The following DNAH11 variants were observed in gnomAD, a reference collection of about 807,000 sequenced individuals.
DNAH11 encodes the protein axonemal beta dynein heavy chain 11.
In DNAH11, 442 loss-of-function variants were observed where a neutral mutation model predicts 526.0. That is an observed-to-expected ratio of 0.84 (90% CI 0.78 to 0.91). DNAH11 has a LOEUF of 0.91. DNAH11 is among the 40% of genes least tolerant of loss of function. DNAH11 has a pLI of 0.00. For synonymous variants in DNAH11, 2,461 were observed against 1,935.9 expected (o/e 1.27, Z -7.12); for missense variants, 6,989 against 5,448.7 (o/e 1.28, Z -8.90).
At chr7:21,569,237 A>G (rs879787041) in intron 6 of DNAH11, among the ~76,000 whole-genome samples, 2 of 152,154 alleles carry the variant, frequency 1.3e-5, no homozygotes, top group Non-Finnish European at 2.9e-5. Flanking sequence ...GACATCTTGA[A>G]CAACATTCTA....
At chr7:21,639,162 G>T (rs985329000) in intron 28 of DNAH11, 97 bp downstream of exon 28, 2 of 1,394,012 alleles carry the variant, frequency 1.4e-6, no homozygotes, top group Non-Finnish European at 1.9e-6. Context: ...ATGTCACGTG[G>T]GCCAGGAACT....
chr7:21,744,772 G>T, intron 50 of DNAH11, 98 bp from the exon 51 acceptor site: 1 of 1,460,528 alleles, frequency 6.8e-7, no homozygotes, highest in African/African-American at 1.4e-5. Context: ...CTACCCATGT[G>T]TGGGTCTGCA....
intron 25 of DNAH11, among the ~76,000 whole-genome samples, chr7:21,621,480 G>T (rs1025234612): frequency 3.3e-5 from 5 of 152,120 alleles, no homozygotes; most frequent in African/African-American, 1.2e-4. Flanking sequence ...TATGAGGCCA[G>T]CATCATCCTG....
intron 30 of DNAH11, among the ~76,000 whole-genome samples, chr7:21,671,110 G>C (rs1782625492): frequency 6.6e-6 from 1 of 152,100 alleles, no homozygotes; most frequent in Non-Finnish European, 1.5e-5. Flanking sequence ...TGGGCTTGAA[G>C]TTTTCTTTAT....
At chr7:21,660,730 C>T (rs1782207212) in intron 30 of DNAH11, among the ~76,000 whole-genome samples, 1 of 151,834 alleles carries the variant, frequency 6.6e-6, no homozygotes, top group African/African-American at 2.4e-5. Flanking sequence ...TAGGTATAAA[C>T]ATGTATAAAT....
chr7:21,850,613 T>C (rs1437466170), intron 66 of DNAH11, among the ~76,000 whole-genome samples: 9 of 145,552 alleles, frequency 6.2e-5, no homozygotes, highest in South Asian at 2.2e-4. Context: ...TTCTTCTTTT[T>C]TTTTTTTTTT....
Position 21,880,899 on chromosome 7 carries a change from T to C in DNAH11, c.12387+6T>C, listed in dbSNP as rs762844328. ...ACTTAGAGGCAAACTCTAAAGTAAG[T>C]GCTAGTGGTCAAATAACCTCTTCCA... On this transcript the variant is annotated splice_donor_region_variant and intron_variant, in intron 75 of 81. Transcript: ENST00000409508. 1 of 1,590,622 alleles carries C rather than the reference T, an allele frequency of 6.3e-7. No individual in the cohort carries two copies. The highest frequency in any genetic ancestry group is 2.2e-5 in the East Asian group (1 of 44,676).
chr7:21,667,997 G>A (rs1250918823), intron 30 of DNAH11, among the ~76,000 whole-genome samples: 1 of 152,100 alleles, frequency 6.6e-6, no homozygotes, highest in East Asian at 1.9e-4. Flanking sequence ...TAAACACCAT[G>A]TTACATCAAC....
At chr7:21,816,777 G>T (rs1008678862) in intron 64 of DNAH11, 75 bp downstream of exon 64, 5 of 1,217,060 alleles carry the variant, frequency 4.1e-6, no homozygotes, top group Non-Finnish European at 5.9e-6. Context: ...AAGGCGTGAT[G>T]TTTCTTAGAC....
chr7:21,644,791 G>A (rs937151012), intron 28 of DNAH11, among the ~76,000 whole-genome samples: 3 of 152,124 alleles, frequency 2.0e-5, no homozygotes, highest in African/African-American at 7.2e-5. Flanking sequence ...TATTTTAAAT[G>A]GATACCTTAA....
chr7:21,610,928 A>G (rs548502209), intron 20 of DNAH11, among the ~76,000 whole-genome samples: 2 of 152,380 alleles, frequency 1.3e-5, no homozygotes, highest in South Asian at 2.1e-4. Flanking sequence ...TGAACAGAAT[A>G]TAGTCTGCAA....
At chr7:21,873,559 T>G (rs1783580485) in intron 74 of DNAH11, 58 bp downstream of exon 74, 1 of 1,543,896 alleles carries the variant, frequency 6.5e-7, no homozygotes, top group African/African-American at 1.4e-5. Flanking sequence ...CACAAGACTG[T>G]GGGGCCCAGA....
Position 21,619,116 on chromosome 7 carries a change from A to G in DNAH11, c.4271A>G (p.Asn1424Ser). ...CCCAATCAGGTCAAGTTTTTAATAAATGAAGCCACAACTTTGGCAGATTTG... is the reference window on the plus strand; with the variant it reads ...CCCAATCAGGTCAAGTTTTTAATAAGTGAAGCCACAACTTTGGCAGATTTG... ...MKAIGVKFLINEATTLADLLA... is the reference protein window; with the variant it reads ...MKAIGVKFLISEATTLADLLA... Residue 1424 changes from asparagine to serine, a missense_variant, in exon 24 of 82, where the codon AAT (asparagine) becomes AGT (serine). Physicochemically the swap from Asn to Ser is conservative, Grantham distance 46. Transcript: ENST00000409508. 2.5e-6 allele frequency: 4 copies of G among 1,613,618 alleles called. No individual in the cohort carries two copies. Among genetic ancestry groups the G allele is most frequent in the Non-Finnish European group, 2.5e-6 (3 of 1,179,652 alleles).
intron 18 of DNAH11, among the ~76,000 whole-genome samples, chr7:21,605,471 A>C (rs1396583624): frequency 6.6e-6 from 1 of 152,206 alleles, no homozygotes; most frequent in Non-Finnish European, 1.5e-5. Context: ...GGGAGAGCAG[A>C]GTTGAGTTGG....
chr7:21,576,902 G>A (rs542987359), intron 8 of DNAH11, among the ~76,000 whole-genome samples: 1 of 152,170 alleles, frequency 6.6e-6, no homozygotes, highest in South Asian at 2.1e-4. Flanking sequence ...GTGTCTATGT[G>A]TGTTACTACT....
chr7:21,600,157 A>C (rs753567349), intron 15 of DNAH11, 38 bp downstream of exon 15: 1 of 1,478,736 alleles, frequency 6.8e-7, no homozygotes, highest in South Asian at 1.5e-5. Context: ...CTTTTATATT[A>C]ATGATTCAAA....
At chr7:21,796,792 A>G (rs772789512) in intron 61 of DNAH11, among the ~76,000 whole-genome samples, 6 of 152,192 alleles carry the variant, frequency 3.9e-5, no homozygotes, top group Non-Finnish European at 5.9e-5. Flanking sequence ...AAATGAAAAA[A>G]TCTCTCTGAG....
chr7:21,698,081 T>A lies in DNAH11; in HGVS notation c.6048T>A (p.Cys2016Ter). ...PENLKALFRPCAMVAPDIELI... is the reference protein window; with the variant it reads ...PENLKALFRP ...ATTCTTATTTACTTTTTAGACCCTGTGCCATGGTGGCCCCTGACATTGAGC... is the reference window on the plus strand; with the variant it reads ...ATTCTTATTTACTTTTTAGACCCTGAGCCATGGTGGCCCCTGACATTGAGC... Residue 2016 changes from cysteine to a stop codon, truncating the protein, a stop_gained, in exon 36 of 82, where the codon TGT (cysteine) becomes TGA (stop). Coordinates refer to ENST00000409508, the MANE Select transcript of DNAH11 (RefSeq NM_001277115.2). LOFTEE classifies it high-confidence loss of function. The A allele has an allele frequency of 6.2e-7, 1 of 1,611,874 alleles. No individual in the cohort carries two copies. Among genetic ancestry groups the A allele is most frequent in the Non-Finnish European group, 8.5e-7 (1 of 1,179,144 alleles).
chr7:21,780,789 T>G lies in DNAH11; in HGVS notation c.9483+1685T>G, dbSNP rs139065367. On this transcript the variant is annotated intron_variant, in intron 57 of 81. Coordinates refer to ENST00000409508, the MANE Select transcript of DNAH11 (RefSeq NM_001277115.2). ...TTTTCATTTTATCCATGGAGCTGGA[T>G]GTTAATAACAAATATTAACATCTAT... 4.4e-3 allele frequency among the ~76,000 whole-genome samples: 675 copies of G among 152,344 alleles called. 8 individuals carry two copies. Among genetic ancestry groups the G allele is most frequent in the African/African-American group, 0.015 (628 of 41,576 alleles).
Sources: allele counts gnomAD v4.1 joint callset (sites outside exome capture counted in the v4.1 genomes callset), GRCh38; gene constraint gnomAD v4.1.1; transcripts MANE v1.5; gene names NCBI Gene and HGNC (gene_info 2026-07-23, HGNC 2026-07-21).